Variants in MGST2 observed in about 807,000 individuals in gnomAD.
MGST2 encodes the protein microsomal glutathione S-transferase 2.
MGST2 carries 9 observed loss-of-function variants against 16.6 expected under a neutral mutation model. The observed-to-expected ratio is 0.54, with a 90% CI of 0.33 to 0.95. MGST2 has a LOEUF of 0.95. MGST2 is among the 40% of genes least tolerant of loss of function. The pLI is 0.03. For synonymous variants in MGST2, 79 were observed against 68.0 expected (o/e 1.16, Z -0.79); for missense variants, 159 against 175.1 (o/e 0.91, Z 0.52).
chr4:139,737,025 TCCAGGACGGA>T (rs1361132507), intron 5 of MGST2, among the ~76,000 whole-genome samples: 1 of 152,192 alleles, frequency 6.6e-6, no homozygotes, highest in Non-Finnish European at 1.5e-5. Context: ...AGCCAATTCT[TCCAGGACGGA>T]CTACTCCAGT....
chr4:139,709,049 C>T (rs1433471985), downstream of MGST2, among the ~76,000 whole-genome samples: 1 of 146,754 alleles, frequency 6.8e-6, no homozygotes. Flanking sequence ...CTATGGATGA[C>T]CTTTGTGAGA....
At chr4:139,720,253 C>A (rs1386541524) in intron 5 of MGST2, 2 of 1,600,328 alleles carry the variant, frequency 1.2e-6, no homozygotes, top group South Asian at 2.2e-5. Flanking sequence ...CGTTCTGTGC[C>A]ATCAGCCGTG....
intron 1 of MGST2, among the ~76,000 whole-genome samples, chr4:139,674,011 A>T (rs1730837895): frequency 1.3e-5 from 2 of 152,232 alleles, no homozygotes; most frequent in South Asian, 4.1e-4. Flanking sequence ...TTTGGTTTGC[A>T]GTTGGTTAAG....
the MGST2 span, among the ~76,000 whole-genome samples, chr4:139,753,341 A>AATCTACCT: frequency 6.8e-6 from 1 of 146,578 alleles, no homozygotes; most frequent in Non-Finnish European, 1.5e-5. Context: ...TTTTCTTTTT[A>AATCTACCT]ATCTATCTAT....
At chr4:139,705,432 A>G (rs1224067830), downstream of MGST2, among the ~76,000 whole-genome samples, 2 of 152,174 alleles carry the variant, frequency 1.3e-5, no homozygotes, top group African/African-American at 4.8e-5. Context: ...TGTCATGGAA[A>G]TTCAGGCTGT....
intron 3 of MGST2, among the ~76,000 whole-genome samples, chr4:139,700,992 G>A (rs1727218768): frequency 6.6e-6 from 1 of 152,200 alleles, no homozygotes; most frequent in South Asian, 2.1e-4. Context: ...CAGGTACAAT[G>A]TCCTTTAGAG....
chr4:139,727,529 TG>T (rs751373295), intron 5 of MGST2, among the ~76,000 whole-genome samples: 2 of 152,256 alleles, frequency 1.3e-5, no homozygotes, highest in African/African-American at 2.4e-5. Context: ...TCTCTAGCTC[TG>T]TGATCTCATA....
At chr4:139,753,918 A>G in the MGST2 span, among the ~76,000 whole-genome samples, 1 of 152,208 alleles carries the variant, frequency 6.6e-6, no homozygotes, top group Non-Finnish European at 1.5e-5. Context: ...AAAGACAGAT[A>G]AGGGAATGAT....
At chr4:139,703,028 C>T (rs892023952) in intron 3 of MGST2, among the ~76,000 whole-genome samples, 2 of 151,510 alleles carry the variant, frequency 1.3e-5, no homozygotes, top group African/African-American at 2.4e-5. Flanking sequence ...TGGGTTCAAA[C>T]GATTCTCCTG....
At chr4:139,732,608 T>C (rs1468102781) in intron 5 of MGST2, among the ~76,000 whole-genome samples, 2 of 152,146 alleles carry the variant, frequency 1.3e-5, no homozygotes, top group African/African-American at 2.4e-5. Flanking sequence ...ATAGCTTGTC[T>C]TTACTTTTTT....
At chr4:139,687,376 A>G (rs1731619664) in intron 2 of MGST2, among the ~76,000 whole-genome samples, 1 of 152,194 alleles carries the variant, frequency 6.6e-6, no homozygotes, top group Non-Finnish European at 1.5e-5. Flanking sequence ...CCAAATCAAG[A>G]GTCATTGCTT....
Position 139,736,816 on chromosome 4 carries a change from T to C in MGST2, c.*49-3396T>C, listed in dbSNP as rs755938625. On this transcript the variant is annotated intron_variant, in intron 5 of 5. Transcript: ENST00000616265. Reference sequence around the variant, plus strand: ...GGTTACGATGTCCCATAGAGAATCATTGGGGCAAATAATCCTGTGCCCTGA... The same window carrying C: ...GGTTACGATGTCCCATAGAGAATCACTGGGGCAAATAATCCTGTGCCCTGA... Among the ~76,000 whole-genome samples, 9 of 152,164 alleles carry C rather than the reference T, an allele frequency of 5.9e-5. No homozygotes were observed. The South Asian group carries it at 6.2e-4, about 11-fold the overall frequency.
At chr4:139,754,188 A>T in the MGST2 span, among the ~76,000 whole-genome samples, 1 of 152,248 alleles carries the variant, frequency 6.6e-6, no homozygotes, top group Non-Finnish European at 1.5e-5. Flanking sequence ...TGCAAAACAA[A>T]GGTGTATTAG....
the MGST2 span, among the ~76,000 whole-genome samples, chr4:139,751,122 A>G: frequency 6.6e-6 from 1 of 152,234 alleles, no homozygotes; most frequent in African/African-American, 2.4e-5. Flanking sequence ...AGTCACCCAT[A>G]GGTATTTTCC....
chr4:139,701,063 C>T (rs894614779), intron 3 of MGST2, among the ~76,000 whole-genome samples: 11 of 152,222 alleles, frequency 7.2e-5, no homozygotes, highest in Admixed American at 5.2e-4. Flanking sequence ...AATGAAACCG[C>T]TGTTCCTTGT....
chr4:139,702,844 G>GTTTTTTTTTTTTTTTTTT lies in MGST2; in HGVS notation c.230-602_230-585dup, dbSNP rs70943436. ...TCCTCACCAACATTTTGTGTTACTG[G>GTTTTTTTTTTTTTTTTTT]TTTTTTTTTTTTTTTTTTTTTTTTT... On this transcript the variant is annotated intron_variant, in intron 3 of 4. Transcript: ENST00000265498. 2.0e-3 allele frequency among the ~76,000 whole-genome samples: 91 copies of GTTTTTTTTTTTTTTTTTT among 46,420 alleles called. 6 individuals are homozygous for GTTTTTTTTTTTTTTTTTT. Among genetic ancestry groups the GTTTTTTTTTTTTTTTTTT allele is most frequent in the East Asian group, 5.9e-3 (7 of 1,180 alleles). The allele number at this position is 46,420 out of a possible 152,430, so 30.5% of individuals were successfully genotyped here.
intron 3 of MGST2, among the ~76,000 whole-genome samples, chr4:139,698,862 T>A (rs1727088399): frequency 6.6e-6 from 1 of 152,102 alleles, no homozygotes; most frequent in Non-Finnish European, 1.5e-5. Flanking sequence ...CTGAATTCAT[T>A]TATCTTGCAA....
At chr4:139,722,686 A>G (rs1056932667) in intron 5 of MGST2, among the ~76,000 whole-genome samples, 1 of 152,240 alleles carries the variant, frequency 6.6e-6, no homozygotes, top group Admixed American at 6.5e-5. Context: ...AACATTGCCC[A>G]GAGATCCAGA....
chr4:139,736,288 T>C (rs954474924), intron 5 of MGST2, among the ~76,000 whole-genome samples: 7 of 152,182 alleles, frequency 4.6e-5, no homozygotes, highest in African/African-American at 7.2e-5. Flanking sequence ...AAAGATACTA[T>C]TGAAAGTTTT....
Sources: gnomAD v4.1 joint callset for allele counts (sites outside exome capture counted in the v4.1 genomes callset) on GRCh38, gnomAD v4.1.1 for gene constraint, MANE v1.5 for transcripts, NCBI Gene and HGNC (gene_info 2026-07-23, HGNC 2026-07-21) for gene names.